Variants in FOSL2 observed in about 807,000 individuals in gnomAD.
FOSL2 encodes FOS like 2, AP-1 transcription factor subunit.
A neutral mutation model predicts 27.7 loss-of-function variants in FOSL2; 3 were observed. The ratio of observed to expected loss-of-function variants is 0.11; its 90% CI spans 0.05 to 0.28. The LOEUF (loss-of-function observed/expected upper bound fraction) is 0.28, where lower values mean the gene tolerates loss of function less well. Among genes scored for constraint, FOSL2 ranks in the 10% least tolerant of loss-of-function variants. FOSL2 has a pLI of 1.00. For synonymous variants in FOSL2, 179 were observed against 190.1 expected (o/e 0.94, Z 0.48); for missense variants, 333 against 445.1 (o/e 0.75, Z 2.27).
At chr2:28,396,813 C>CACACACACACAAACACACACACACAA (rs1553376559) in intron 1 of FOSL2, 1 of 148,382 alleles carries the variant, frequency 6.7e-6, no homozygotes, top group African/African-American at 2.6e-5. Context: ...CACACACACA[C>CACACACACACAAACACACACACACAA]ACACACACAC....
In FOSL2 at chr2:28,415,740, C is replaced by T. The variant is rs1449956873; in HGVS notation, c.*3292C>T. 4.6e-5 allele frequency: 7 copies of T among 152,270 alleles called. No individual in the cohort carries two copies. Among genetic ancestry groups the T allele is most frequent in the East Asian group, 3.9e-4 (2 of 5,176 alleles). The allele number at this position is 152,270 out of a possible 1,614,324, so 9.4% of individuals were successfully genotyped here. Reference sequence around the variant, plus strand: ...TGTTAGGCGCTTTTATATAGATCCTCGTTAGGATGAGACTAAGGGATGAGG... The same window carrying T: ...TGTTAGGCGCTTTTATATAGATCCTTGTTAGGATGAGACTAAGGGATGAGG... On this transcript the variant is annotated 3_prime_UTR_variant, in exon 4 of 4. Transcript: ENST00000264716.
intron 1 of FOSL2, among the ~76,000 whole-genome samples, chr2:28,399,433 A>C (rs764213770): frequency 7.2e-5 from 11 of 152,178 alleles, no homozygotes; most frequent in Admixed American, 2.0e-4. Flanking sequence ...TGTGGGGGGA[A>C]CTTCTCTGAC....
Position 28,392,960 on chromosome 2 carries a change from GA to G in FOSL2, c.-760del. ...ACAGAAAGAGGGAGAGAGAGAGAGAGAGAGAGGGAGAGGCGCGGCCGGGCGA... is the reference window on the plus strand; with the variant it reads ...ACAGAAAGAGGGAGAGAGAGAGAGAGGAGAGGGAGAGGCGCGGCCGGGCGA... On this transcript the variant is annotated 5_prime_UTR_variant, in exon 1 of 4. Transcript: ENST00000264716. The G allele has an allele frequency of 1.4e-6, 1 of 693,984 alleles. No individual in the cohort carries two copies. The highest frequency in any genetic ancestry group is 2.7e-6 in the Non-Finnish European group (1 of 372,306). The allele number at this position is 693,984 out of a possible 1,614,324, so 43.0% of individuals were successfully genotyped here.
Position 28,393,923 on chromosome 2 carries a change from A to AAAG in FOSL2, c.102+102_102+103insAGA. ...TTTCTTTTCTTTTTCTTGGCGAGAA[A>AAAG]ATACCTACGGGCCACCGTTGTAAGT... On this transcript the variant is annotated intron_variant, in intron 1 of 3. Coordinates refer to ENST00000264716, the MANE Select transcript of FOSL2 (RefSeq NM_005253.4). The surrounding 1 kb of genome is among the most constrained non-coding windows in gnomAD (Gnocchi z 4.6). 1 of 842,362 alleles carries AAAG rather than the reference A, an allele frequency of 1.2e-6. No homozygotes were observed. Among genetic ancestry groups the AAAG allele is most frequent in the Non-Finnish European group, 1.9e-6 (1 of 540,172 alleles). 52.2% of individuals were successfully genotyped at this position (842,362 alleles called of 1,614,324 possible). A position where few individuals can be genotyped will look rare whatever the true frequency, so the allele number is the denominator to read the frequency against.
chr2:28,408,736 T>C lies in FOSL2; in HGVS notation c.355-23T>C, dbSNP rs376483644. ...TGAACCATTGTCTCTGTTCTAACCA[T>C]GATCCTTGGCTTTGGCCTCTAGCTG... is the stretch of plus-strand genomic sequence containing the variant. On this transcript the variant is annotated intron_variant, in intron 2 of 3. Transcript: ENST00000264716. The surrounding 1 kb of genome is among the most constrained non-coding windows in gnomAD (Gnocchi z 4.1). 3.2e-6 allele frequency: 5 copies of C among 1,554,762 alleles called. No homozygotes were observed. The highest frequency in any genetic ancestry group is 2.7e-5 in the African/African-American group (2 of 73,260).
chr2:28,398,437 T>C (rs1021629139), intron 1 of FOSL2, among the ~76,000 whole-genome samples: 1 of 152,232 alleles, frequency 6.6e-6, no homozygotes, highest in African/African-American at 2.4e-5. Context: ...GGACGTGTCA[T>C]TCCCATGGAG....
chr2:28,404,178 G>A lies in FOSL2; in HGVS notation c.174G>A (p.Gln58=). Residue 58 remains glutamine (Q), a synonymous_variant, in exon 2 of 4, where the codon CAG becomes CAA. Transcript: ENST00000264716. The surrounding 1 kb of genome is among the most constrained non-coding windows in gnomAD (Gnocchi z 4.7). The part of the protein sequence containing the change: ...IPTINAITTS[Q]DLQWMVQPTV... ...CCATCAACGCCATCACGACCAGCCAGGACCTGCAGTGGATGGTGCAGCCCA... is the reference window on the plus strand; with the variant it reads ...CCATCAACGCCATCACGACCAGCCAAGACCTGCAGTGGATGGTGCAGCCCA... The A allele has an allele frequency of 6.2e-7, 1 of 1,614,226 alleles. No homozygotes were observed. Among genetic ancestry groups the A allele is most frequent in the Non-Finnish European group, 8.5e-7 (1 of 1,180,026 alleles).
rs1470934413 is a variant in FOSL2 at position 28,412,706 on chromosome 2, C to T, written c.*258C>T. On this transcript the variant is annotated 3_prime_UTR_variant, in exon 4 of 4. Coordinates refer to ENST00000264716, the MANE Select transcript of FOSL2 (RefSeq NM_005253.4). This position sits in a 1 kb window ranked among gnomAD's most constrained non-coding sequence, Gnocchi z 7.1. ...ATTTCTTGAAAAGCCTTGGAGAACT[C>T]GGTTTGGTAGACTTGGACATCTCTC... is the stretch of plus-strand genomic sequence containing the variant. 1.2e-5 allele frequency: 6 copies of T among 495,260 alleles called. No homozygotes were observed. The highest frequency in any genetic ancestry group is 6.4e-5 in the East Asian group (2 of 31,494). 30.7% of individuals were successfully genotyped at this position (495,260 alleles called of 1,614,324 possible). A position where few individuals can be genotyped will look rare whatever the true frequency, so the allele number is the denominator to read the frequency against.
intron 1 of FOSL2, among the ~76,000 whole-genome samples, chr2:28,398,911 A>G (rs1443814886): frequency 6.6e-6 from 1 of 152,234 alleles, no homozygotes; most frequent in Non-Finnish European, 1.5e-5. Flanking sequence ...CAGTAAAAAT[A>G]CAGAGTATTT....
intron 3 of FOSL2, among the ~76,000 whole-genome samples, chr2:28,410,148 G>C (rs953699315): frequency 4.6e-5 from 7 of 152,210 alleles, no homozygotes; most frequent in Non-Finnish European, 1.0e-4. Flanking sequence ...TGAATTGCGT[G>C]AATTCTGTGA....
chr2:28,414,678 G>A lies in FOSL2; in HGVS notation c.*2230G>A, dbSNP rs1024416383. On this transcript the variant is annotated 3_prime_UTR_variant, in exon 4 of 4. Coordinates refer to ENST00000264716, the MANE Select transcript of FOSL2 (RefSeq NM_005253.4). Reference sequence around the variant, plus strand: ...GCTTTCTTGTCTTTTATTTCTAAAAGCCCCCTTATACCCCACTTTGTGCAG... The same window carrying A: ...GCTTTCTTGTCTTTTATTTCTAAAAACCCCCTTATACCCCACTTTGTGCAG... 2.0e-5 allele frequency: 3 copies of A among 152,140 alleles called. No individual in the cohort carries two copies. Among genetic ancestry groups the A allele is most frequent in the Admixed American group, 2.0e-4 (3 of 15,276 alleles). The allele number at this position is 152,140 out of a possible 1,614,324, so 9.4% of individuals were successfully genotyped here.
Position 28,393,125 on chromosome 2 carries a change from C to T in FOSL2, c.-596C>T, listed in dbSNP as rs1453413060. On this transcript the variant is annotated 5_prime_UTR_variant, in exon 1 of 4. Transcript: ENST00000264716. The surrounding 1 kb of genome is among the most constrained non-coding windows in gnomAD (Gnocchi z 4.6). ...TGTCCCCCTGGCGCGCTCGGGGCCG[C>T]GGGACGGGCGCACGCCGCCTTCTCC... 1 of 338,676 alleles carries T rather than the reference C, an allele frequency of 3.0e-6. No homozygotes were observed. The highest frequency in any genetic ancestry group is 5.3e-6 in the Non-Finnish European group (1 of 188,266). 21.0% of individuals were successfully genotyped at this position (338,676 alleles called of 1,614,324 possible).
At chr2:28,396,817 C>CACACACACACACAA (rs1351863105) in intron 1 of FOSL2, 3 of 151,942 alleles carry the variant, frequency 2.0e-5, no homozygotes, top group East Asian at 3.9e-4. Flanking sequence ...CACACACACA[C>CACACACACACACAA]ACACACACAC....
rs772029817 is a variant in FOSL2, at chr2:28,393,691, C to G, written c.-30C>G. 3.3e-6 allele frequency: 5 copies of G among 1,531,568 alleles called. No homozygotes were observed. The African/African-American group carries it at 5.6e-5, about 17-fold the overall frequency. The allele number at this position is 1,531,568 out of a possible 1,614,324, so 94.9% of individuals were successfully genotyped here. A position where few individuals can be genotyped will look rare whatever the true frequency, so the allele number is the denominator to read the frequency against. ...GCGAGGGCGGGGGAAGAAAAACACC[C>G]TGTTTCCTCTCCGGCCCCCACCGCG... is the stretch of plus-strand genomic sequence containing the variant. On this transcript the variant is annotated 5_prime_UTR_variant, in exon 1 of 4. Transcript: ENST00000264716. The surrounding 1 kb of genome is among the most constrained non-coding windows in gnomAD (Gnocchi z 4.6).
chr2:28,406,153 G>C (rs757423255), intron 2 of FOSL2, among the ~76,000 whole-genome samples: 1 of 150,946 alleles, frequency 6.6e-6, no homozygotes, highest in Non-Finnish European at 1.5e-5. Flanking sequence ...CCACCTCCGC[G>C]GTTCAAGCAA....
chr2:28,410,254 A>T lies in FOSL2; in HGVS notation c.462+1388A>T, dbSNP rs201245424. Among the ~76,000 whole-genome samples, 23 of 152,294 alleles carry T rather than the reference A, an allele frequency of 1.5e-4. No homozygotes were observed. In the East Asian group the frequency reaches 4.4e-3, roughly 29 times the overall value. Reference sequence around the variant, plus strand: ...AGGCAGATCCACAATCCACTTCCTCAGCGGGCCCTCCCACCACTAACCTTT... The same window carrying T: ...AGGCAGATCCACAATCCACTTCCTCTGCGGGCCCTCCCACCACTAACCTTT... On this transcript the variant is annotated intron_variant, in intron 3 of 3. Coordinates refer to ENST00000264716, the MANE Select transcript of FOSL2 (RefSeq NM_005253.4).
rs565650659 is a variant in FOSL2 at position 28,402,788 on chromosome 2, C to G, written c.103-1319C>G. Among the ~76,000 whole-genome samples the G allele has an allele frequency of 2.0e-5, 3 of 152,282 alleles. No homozygotes were observed. In the East Asian group the frequency reaches 5.8e-4, roughly 29 times the overall value. On this transcript the variant is annotated intron_variant, in intron 1 of 3. Coordinates refer to ENST00000264716, the MANE Select transcript of FOSL2 (RefSeq NM_005253.4). The stretch of plus-strand genomic sequence containing the variant: ...TACCACTGTGTTCAGGGGCTCTGGC[C>G]TCTTTGTCAGGCTGGACTGGGTTTG...
intron 1 of FOSL2, chr2:28,395,750 G>C (rs2148076306): frequency 6.6e-6 from 1 of 152,306 alleles, no homozygotes; most frequent in Admixed American, 6.5e-5. Context: ...TGTGTGAGGC[G>C]CCTTTCAAAC....
rs1334038053 is a variant in FOSL2 at position 28,408,795 on chromosome 2, C to T, written c.391C>T (p.Arg131Trp). 6.2e-7 allele frequency: 1 copy of T among 1,611,416 alleles called. No individual in the cohort carries two copies. Among genetic ancestry groups the T allele is most frequent in the African/African-American group, 1.3e-5 (1 of 74,946 alleles). The change falls in exon 3 of 4, where the codon CGG becomes TGG. Residue 131 changes from arginine to tryptophan, a missense_variant. Physicochemically the swap from Arg to Trp is moderately radical, Grantham distance 101. Around this residue, in one of 4 missense-constraint regions of FOSL2, gnomAD observed 40 missense variants for 104.2 expected, o/e 0.38. Coordinates refer to ENST00000264716, the MANE Select transcript of FOSL2 (RefSeq NM_005253.4). The surrounding 1 kb of genome is among the most constrained non-coding windows in gnomAD (Gnocchi z 4.1). ...AGAGGAGGAGAAGCGTCGCATCCGG[C>T]GGGAGAGGAACAAGCTGGCTGCAGC... ...PEEEEKRRIR[R>W]ERNKLAAAKC...
Sources: gnomAD v4.1 joint callset for allele counts (sites outside exome capture counted in the v4.1 genomes callset) on GRCh38, gnomAD v4.1.1 for gene constraint, gnomAD v4.1.1 regional missense constraint, Gnocchi (gnomAD v3.1) non-coding constraint, MANE v1.5 for transcripts, NCBI Gene and HGNC (gene_info 2026-07-23, HGNC 2026-07-21) for gene names.